DMXL1: variants seen among roughly 807,000 people sequenced by gnomAD.
DMXL1 encodes dmX-like protein 1.
In DMXL1, 99 loss-of-function variants were observed where a neutral mutation model predicts 319.2. The ratio of observed to expected loss-of-function variants is 0.31; its 90% CI spans 0.26 to 0.37. DMXL1 has a LOEUF of 0.37. Ranked by LOEUF, DMXL1 falls within the 10% of genes least tolerant of loss-of-function variation. The pLI is 1.00. For synonymous variants in DMXL1, 1,385 were observed against 1,235.2 expected (o/e 1.12, Z -2.54); for missense variants, 3,745 against 3,595.6 (o/e 1.04, Z -1.06).
chr5:119,076,184 AG>A (rs1750820441), intron 1 of DMXL1, among the ~76,000 whole-genome samples: 2 of 152,136 alleles, frequency 1.3e-5, no homozygotes, highest in African/African-American at 4.8e-5. Context: ...ATTTCCCTTT[AG>A]TATTAGAAAA....
intron 30 of DMXL1, 45 bp downstream of exon 30, chr5:119,194,015 T>C (rs1779163634): frequency 1.5e-6 from 2 of 1,319,172 alleles, no homozygotes; most frequent in South Asian, 1.7e-5. Context: ...AATAATGGTG[T>C]ATATAAATAA....
rs185852379 is a variant in DMXL1 at position 119,125,601 on chromosome 5, G to C, written c.1103-3610G>C. ...TATTTTTGAGATGAAGTCTCACTCTGTTGCCCAGGCTGAAGTGCAATGGTG... is the reference window on the plus strand; with the variant it reads ...TATTTTTGAGATGAAGTCTCACTCTCTTGCCCAGGCTGAAGTGCAATGGTG... On this transcript the variant is annotated intron_variant, in intron 9 of 43. Transcript: ENST00000539542. 1.6e-3 allele frequency among the ~76,000 whole-genome samples: 246 copies of C among 152,234 alleles called. 1 individual carries two copies. The highest frequency in any genetic ancestry group is 5.5e-3 in the African/African-American group (230 of 41,544).
In DMXL1 at chr5:119,208,784, C is replaced by T. The variant is rs775378200; in HGVS notation, c.7926+1888C>T. ...CAATTTTGGCATGTATATACACTAG[C>T]GAAGCCATCACCACAACCAGGATAA... On this transcript the variant is annotated intron_variant, in intron 34 of 43. Transcript: ENST00000539542. 3.3e-5 allele frequency among the ~76,000 whole-genome samples: 5 copies of T among 152,166 alleles called. No homozygotes were observed. The East Asian group carries it at 5.8e-4, about 18-fold the overall frequency.
intron 8 of DMXL1, among the ~76,000 whole-genome samples, chr5:119,120,146 GC>G (rs1261439496): frequency 3.9e-5 from 6 of 152,342 alleles, no homozygotes; most frequent in African/African-American, 1.4e-4. Flanking sequence ...TGATCTGACT[GC>G]CTTGGCCTCC....
rs1258916976 is a variant in DMXL1, at chr5:119,150,167, T to C, written c.4340T>C (p.Phe1447Ser). 1.2e-6 allele frequency: 2 copies of C among 1,613,864 alleles called. No homozygotes were observed. Among genetic ancestry groups the C allele is most frequent in the African/African-American group, 2.7e-5 (2 of 75,026 alleles). The change falls in exon 18 of 44, where the codon TTT becomes TCT. Residue 1447 changes from phenylalanine to serine, a missense_variant. Coordinates refer to ENST00000539542, the MANE Select transcript of DMXL1 (RefSeq NM_001290321.3). ...TCTAAAGAAAGTTATGATGAGCTTT[T>C]TCAGACTCAACTTCTAATGACTGAT... ...QLSKESYDEL[F>S]QTQLLMTDTH...
intron 38 of DMXL1, among the ~76,000 whole-genome samples, chr5:119,228,677 G>A (rs1786067540): frequency 6.6e-6 from 1 of 152,016 alleles, no homozygotes; most frequent in African/African-American, 2.4e-5. Context: ...TATTGCAAGG[G>A]CCCTTTGGAA....
At chr5:119,156,916 CTGATGAT>C (rs1771213177) in intron 19 of DMXL1, among the ~76,000 whole-genome samples, 1 of 151,844 alleles carries the variant, frequency 6.6e-6, no homozygotes, top group Non-Finnish European at 1.5e-5. Context: ...TTGCATTTTC[CTGATGAT>C]TATAGATATC....
intron 23 of DMXL1, among the ~76,000 whole-genome samples, chr5:119,169,298 C>T (rs944976952): frequency 6.6e-6 from 1 of 152,040 alleles, no homozygotes; most frequent in South Asian, 2.1e-4. Context: ...AAGAAAATTG[C>T]AAAAAATAAT....
intron 2 of DMXL1, among the ~76,000 whole-genome samples, chr5:119,098,568 A>T (rs1431807444): frequency 2.0e-5 from 3 of 152,174 alleles, no homozygotes; most frequent in African/African-American, 7.2e-5. Flanking sequence ...TTCTAAGCCC[A>T]TAAGAAAAGT....
intron 1 of DMXL1, among the ~76,000 whole-genome samples, chr5:119,090,729 ATTT>A (rs1458526337): frequency 1.3e-5 from 2 of 149,522 alleles, no homozygotes; most frequent in Non-Finnish European, 3.0e-5. Flanking sequence ...TGCCTGGCTA[ATTT>A]TTTTTTGTAT....
chr5:119,138,285 A>G (rs960640629), intron 13 of DMXL1, among the ~76,000 whole-genome samples: 1 of 152,202 alleles, frequency 6.6e-6, no homozygotes, highest in Non-Finnish European at 1.5e-5. Context: ...TTGTGATTGA[A>G]TATTAGGAAG....
intron 25 of DMXL1, among the ~76,000 whole-genome samples, chr5:119,173,776 G>GTGTGTGTGTGTGTATATATATATATA: frequency 3.0e-5 from 2 of 67,170 alleles, no homozygotes; most frequent in African/African-American, 1.1e-4. Context: ...ATGTGTGTGT[G>GTGTGTGTGTGTGTATATATATATATA]TATATATATA....
Position 119,129,125 on chromosome 5 carries a change from A to G in DMXL1, c.1103-86A>G, listed in dbSNP as rs1183490282. ...GGACTTTCAGGCAAACAAAATATAA[A>G]TGTAATAGTAATAAAAATATGAAAC... On this transcript the variant is annotated intron_variant, in intron 9 of 43. Transcript: ENST00000539542. 8 of 798,712 alleles carry G rather than the reference A, an allele frequency of 1.0e-5. No individual in the cohort carries two copies. In the East Asian group the frequency reaches 1.9e-4, roughly 19 times the overall value. 49.5% of individuals were successfully genotyped at this position (798,712 alleles called of 1,614,324 possible).
rs777773039 is a variant in DMXL1, at chr5:119,133,208, C to T, written c.1392C>T (p.Asn464=). The T allele has an allele frequency of 1.9e-6, 3 of 1,614,024 alleles. No individual in the cohort carries two copies. The African/African-American group carries it at 4.0e-5, about 22-fold the overall frequency. Residue 464 remains asparagine (N), a synonymous_variant, in exon 11 of 44, where the codon AAC becomes AAT. Transcript: ENST00000539542. ...KELGCDKMVP[N]SSFTSLSSAA... ...TAGGCTGTGATAAAATGGTACCAAA[C>T]TCAAGTTTTACATCATTATCGTCAG...
chr5:119,083,472 G>A (rs1364011983), intron 1 of DMXL1, among the ~76,000 whole-genome samples: 1 of 152,104 alleles, frequency 6.6e-6, no homozygotes, highest in Non-Finnish European at 1.5e-5. Context: ...TCTTTTTGAT[G>A]TACTGAATTT....
chr5:119,208,154 A>G (rs764979848), intron 34 of DMXL1, among the ~76,000 whole-genome samples: 16 of 151,634 alleles, frequency 1.1e-4, no homozygotes, highest in Non-Finnish European at 1.5e-4. Flanking sequence ...ATCAGTTAAC[A>G]ATTTTCCTTG....
chr5:119,243,987 C>T (rs1041813750), intron 42 of DMXL1, among the ~76,000 whole-genome samples: 1 of 152,200 alleles, frequency 6.6e-6, no homozygotes, highest in Non-Finnish European at 1.5e-5. Context: ...CTTGGTTAAA[C>T]AGGACCAAAG....
intron 1 of DMXL1, 75 bp from the exon 2 acceptor site, chr5:119,097,904 A>G: frequency 8.0e-7 from 1 of 1,250,706 alleles, no homozygotes; most frequent in South Asian, 1.4e-5. Flanking sequence ...TTAAAACATG[A>G]TAGTTAATAC....
At chr5:119,154,070 G>GT (rs887348800) in intron 19 of DMXL1, among the ~76,000 whole-genome samples, 2 of 152,202 alleles carry the variant, frequency 1.3e-5, no homozygotes, top group Non-Finnish European at 2.9e-5. Context: ...TAAATGTTGT[G>GT]TGTACTGTGG....
Sources: gnomAD v4.1 joint callset for allele counts (sites outside exome capture counted in the v4.1 genomes callset) on GRCh38, gnomAD v4.1.1 for gene constraint, MANE v1.5 for transcripts, NCBI Gene and HGNC (gene_info 2026-07-23, HGNC 2026-07-21) for gene names.